The following RETREG1 variants were observed in gnomAD, a reference collection of about 807,000 sequenced individuals.
RETREG1 encodes the protein reticulophagy regulator 1.
In RETREG1, 44 loss-of-function variants were observed where a neutral mutation model predicts 54.8. That is an observed-to-expected ratio of 0.80 (90% confidence interval 0.63 to 1.03). RETREG1 has a LOEUF of 1.03. Among genes scored for constraint, RETREG1 ranks in the 50% least tolerant of loss-of-function variants. RETREG1 has a pLI of 0.00. For synonymous variants in RETREG1, 217 were observed against 238.5 expected (o/e 0.91, Z 0.83); for missense variants, 554 against 605.1 (o/e 0.92, Z 0.89).
chr5:16,581,610 G>A (rs985142830), intron 1 of RETREG1, among the ~76,000 whole-genome samples: 1 of 151,378 alleles, frequency 6.6e-6, no homozygotes, highest in African/African-American at 2.4e-5. Context: ...ATCCGAATTA[G>A]CCCAGGCACT....
chr5:16,527,563 A>G (rs1158802899), intron 3 of RETREG1, among the ~76,000 whole-genome samples: 3 of 152,160 alleles, frequency 2.0e-5, no homozygotes, highest in African/African-American at 7.2e-5. Flanking sequence ...TGCCTGATAG[A>G]ATTGATAAAA....
chr5:16,542,553 G>A (rs1467267482), intron 3 of RETREG1, among the ~76,000 whole-genome samples: 2 of 152,142 alleles, frequency 1.3e-5, no homozygotes, highest in African/African-American at 4.8e-5. Context: ...GCAGCCCAGA[G>A]CCATTCCCTA....
At chr5:16,553,236 T>C (rs1287744999) in intron 3 of RETREG1, among the ~76,000 whole-genome samples, 1 of 152,104 alleles carries the variant, frequency 6.6e-6, no homozygotes, top group Non-Finnish European at 1.5e-5. Context: ...AGTTGTGATA[T>C]AGTCCACATG....
chr5:16,541,731 GGGAGGGAGGGAA>G (rs1233192524), intron 3 of RETREG1, among the ~76,000 whole-genome samples: 3 of 108,680 alleles, frequency 2.8e-5, no homozygotes, highest in African/African-American at 1.1e-4. Flanking sequence ...AGAGAAGAGA[GGGAGGGAGGGAA>G]GGAAGGAAGG....
At chr5:16,488,850 C>A (rs1300751194) in intron 3 of RETREG1, among the ~76,000 whole-genome samples, 2 of 151,956 alleles carry the variant, frequency 1.3e-5, no homozygotes, top group African/African-American at 4.8e-5. Flanking sequence ...TTTGGGAGGC[C>A]GAGGTGGGCA....
chr5:16,572,165 G>A (rs1379244287), intron 1 of RETREG1, 63 bp from the exon 2 acceptor site: 3 of 1,172,670 alleles, frequency 2.6e-6, no homozygotes, highest in African/African-American at 3.1e-5. Context: ...TCAAAATTGG[G>A]TTTACTTCCT....
At chr5:16,496,969 G>A (rs1739488514) in intron 3 of RETREG1, among the ~76,000 whole-genome samples, 1 of 152,088 alleles carries the variant, frequency 6.6e-6, no homozygotes, top group African/African-American at 2.4e-5. Context: ...GGGTGGATTT[G>A]GGCCCAGGCA....
At chr5:16,553,909 A>G (rs1741615118) in intron 3 of RETREG1, among the ~76,000 whole-genome samples, 1 of 152,192 alleles carries the variant, frequency 6.6e-6, no homozygotes. Flanking sequence ...GTTGAAAGAG[A>G]GCACGATATT....
At chr5:16,488,203 CGG>C (rs1561083502) in intron 3 of RETREG1, among the ~76,000 whole-genome samples, 11 of 152,204 alleles carry the variant, frequency 7.2e-5, no homozygotes, top group African/African-American at 2.2e-4. Flanking sequence ...CTGGGCAAGA[CGG>C]TGTGAGAGGG....
chr5:16,530,688 C>T lies in RETREG1; in HGVS notation c.458+35075G>A, dbSNP rs372781836. 6.6e-5 allele frequency among the ~76,000 whole-genome samples: 10 copies of T among 152,236 alleles called. No individual in the cohort carries two copies. In the South Asian group the frequency reaches 1.7e-3, roughly 25 times the overall value. ...AGGAGTTCGAGACCAGCCTCGCCAACGTGGCAAAACCCTGTCTAGACTAAA... is the reference window on the plus strand; with the variant it reads ...AGGAGTTCGAGACCAGCCTCGCCAATGTGGCAAAACCCTGTCTAGACTAAA... On this transcript the variant is annotated intron_variant, in intron 3 of 8. Transcript: ENST00000306320.
chr5:16,554,522 A>C (rs1199814732), intron 3 of RETREG1, among the ~76,000 whole-genome samples: 1 of 152,190 alleles, frequency 6.6e-6, no homozygotes, highest in African/African-American at 2.4e-5. Context: ...CCTCTTGATA[A>C]AAGAATGTTC....
chr5:16,609,937 T>A (rs2126374523), intron 1 of RETREG1, among the ~76,000 whole-genome samples: 1 of 152,294 alleles, frequency 6.6e-6, no homozygotes, highest in South Asian at 2.1e-4. Context: ...GGAACATGTA[T>A]TGAATCACCT....
chr5:16,529,604 T>C (rs1740847834), intron 3 of RETREG1, among the ~76,000 whole-genome samples: 1 of 152,206 alleles, frequency 6.6e-6, no homozygotes, highest in Admixed American at 6.5e-5. Flanking sequence ...TATGTCAACA[T>C]CTGATTTTAT....
At chr5:16,553,272 A>T (rs1741593650) in intron 3 of RETREG1, among the ~76,000 whole-genome samples, 1 of 152,194 alleles carries the variant, frequency 6.6e-6, no homozygotes, top group African/African-American at 2.4e-5. Context: ...GCCACAAAAT[A>T]TGAATGAACT....
intron 1 of RETREG1, among the ~76,000 whole-genome samples, chr5:16,589,309 C>T (rs912442707): frequency 6.6e-6 from 1 of 150,640 alleles, no homozygotes; most frequent in African/African-American, 2.5e-5. Flanking sequence ...GTTTTCAAAA[C>T]TTGAGTGTTT....
intron 3 of RETREG1, among the ~76,000 whole-genome samples, chr5:16,515,011 G>A (rs1740302957): frequency 6.7e-6 from 1 of 149,528 alleles, no homozygotes; most frequent in Admixed American, 6.7e-5. Context: ...TGATTGATGG[G>A]CATTTGGGTT....
At chr5:16,565,738 A>G (rs1406608243) in intron 3 of RETREG1, 25 bp downstream of exon 3, 1 of 1,613,866 alleles carries the variant, frequency 6.2e-7, no homozygotes, top group Non-Finnish European at 8.5e-7. Flanking sequence ...TCCATTAAGC[A>G]CAACACGGAA....
intron 3 of RETREG1, among the ~76,000 whole-genome samples, chr5:16,497,834 G>A (rs936224025): frequency 3.3e-5 from 5 of 152,260 alleles, no homozygotes; most frequent in African/African-American, 1.2e-4. Context: ...GAGTTGGCAT[G>A]AGAGAATGAA....
At position 16,597,472 on chromosome 5, in the gene RETREG1, T is replaced by G. The variant is rs1742934721; in HGVS notation, c.320+19180A>C. Among the ~76,000 whole-genome samples, 1 of 152,214 alleles carries G rather than the reference T, an allele frequency of 6.6e-6. No homozygotes were observed. On this transcript the variant is annotated intron_variant, in intron 1 of 8. Transcript: ENST00000306320. This position sits in a 1 kb window ranked among gnomAD's most constrained non-coding sequence, Gnocchi z 4.3. ...TGGTGCCACAAAAAGCACATTGCCT[T>G]TCTCTGCTGGACTCTGAGTACCCTT... is the stretch of plus-strand genomic sequence containing the variant.
Sources: allele counts gnomAD v4.1 joint callset (sites outside exome capture counted in the v4.1 genomes callset), GRCh38; gene constraint gnomAD v4.1.1; non-coding constraint Gnocchi (gnomAD v3.1); transcripts MANE v1.5; gene names NCBI Gene and HGNC (gene_info 2026-07-23, HGNC 2026-07-21).